Variants in GFRA2 observed in about 807,000 individuals in gnomAD.
GFRA2 encodes the protein GDNF family receptor alpha 2.
In GFRA2, 17 loss-of-function variants were observed where a neutral mutation model predicts 48.3. The observed-to-expected ratio is 0.35, with a 90% CI of 0.24 to 0.53. The LOEUF is 0.53. Among genes scored for constraint, GFRA2 ranks in the 20% least tolerant of loss-of-function variants. The pLI, the probability that GFRA2 is intolerant of heterozygous loss-of-function variation, is 0.93. For synonymous variants in GFRA2, 305 were observed against 257.2 expected (o/e 1.19, Z -1.78); for missense variants, 660 against 637.3 (o/e 1.04, Z -0.38).
intron 3 of GFRA2, among the ~76,000 whole-genome samples, chr8:21,767,412 A>G (rs1806225296): frequency 6.6e-6 from 1 of 151,914 alleles, no homozygotes. Flanking sequence ...CCGTCACACA[A>G]TGACCCCTCT....
chr8:21,783,907 T>C (rs1215723988), intron 1 of GFRA2, among the ~76,000 whole-genome samples: 1 of 151,990 alleles, frequency 6.6e-6, no homozygotes, highest in East Asian at 1.9e-4. Context: ...CTTGTTTTTT[T>C]CTCTCTCAGC....
chr8:21,703,809 T>A (rs1802604600), intron 6 of GFRA2, among the ~76,000 whole-genome samples: 2 of 152,186 alleles, frequency 1.3e-5, no homozygotes, highest in South Asian at 4.1e-4. Flanking sequence ...GCCACCACTG[T>A]GTGCCCCTGT....
intron 2 of GFRA2, among the ~76,000 whole-genome samples, chr8:21,782,302 C>T (rs1472823905): frequency 6.8e-6 from 1 of 147,814 alleles, no homozygotes; most frequent in Middle Eastern, 3.2e-3. Context: ...CACTCACCCC[C>T]CTTCCTCCAG....
intron 4 of GFRA2, among the ~76,000 whole-genome samples, chr8:21,714,146 C>A (rs1359700170): frequency 6.6e-6 from 1 of 151,716 alleles, no homozygotes; most frequent in African/African-American, 2.4e-5. Context: ...GCTGTAAACA[C>A]CTTCCCAAGA....
intron 3 of GFRA2, among the ~76,000 whole-genome samples, chr8:21,774,435 G>GA (rs1288453193): frequency 1.3e-5 from 2 of 152,168 alleles, no homozygotes; most frequent in Non-Finnish European, 2.9e-5. Flanking sequence ...GCCCTCAAGA[G>GA]AGAGGGAAAA....
At chr8:21,738,823 A>T (rs939679399) in intron 4 of GFRA2, among the ~76,000 whole-genome samples, 15 of 152,190 alleles carry the variant, frequency 9.9e-5, no homozygotes, top group Non-Finnish European at 1.5e-5. Flanking sequence ...TGGGCGCCTT[A>T]GGGAAGGTCT....
intron 4 of GFRA2, among the ~76,000 whole-genome samples, chr8:21,719,714 G>A (rs1337124574): frequency 6.6e-6 from 1 of 152,206 alleles, no homozygotes; most frequent in Non-Finnish European, 1.5e-5. Context: ...TTCTCTGAAT[G>A]CTGATACGGT....
At position 21,691,174 on chromosome 8, in the gene GFRA2, G is replaced by T. The variant is rs1412855737; in HGVS notation, c.*2104C>A. On this transcript the variant is annotated 3_prime_UTR_variant, in exon 9 of 9. Transcript: ENST00000524240. ...GATGGGCTCACATGCAGCCCTGAAG[G>T]CCAGGCTGACAGTAGAAACATCTTC... 1 of 152,318 alleles carries T rather than the reference G, an allele frequency of 6.6e-6. No homozygotes were observed. The highest frequency in any genetic ancestry group is 1.9e-4 in the East Asian group (1 of 5,172). The allele number at this position is 152,318 out of a possible 1,614,324, so 9.4% of individuals were successfully genotyped here.
chr8:21,726,167 T>C (rs557991304), intron 4 of GFRA2, among the ~76,000 whole-genome samples: 3 of 152,272 alleles, frequency 2.0e-5, no homozygotes, highest in African/African-American at 7.2e-5. Flanking sequence ...CAACCAGAGC[T>C]CTGGCACCCA....
At chr8:21,785,620 A>T (rs975766174) in intron 1 of GFRA2, among the ~76,000 whole-genome samples, 2 of 152,184 alleles carry the variant, frequency 1.3e-5, no homozygotes, top group African/African-American at 4.8e-5. Flanking sequence ...ACTGCATCCA[A>T]CATCCCACCA....
At chr8:21,725,435 C>T (rs7005601) in intron 4 of GFRA2, among the ~76,000 whole-genome samples, 18,135 of 152,294 alleles carry the variant, frequency 0.12, 1,120 homozygotes, top group South Asian at 0.18. Context: ...CACCAGTATG[C>T]TGAGCCAGCC....
rs962431267 is a variant in GFRA2 at position 21,692,113 on chromosome 8, T to C, written c.*1165A>G. The C allele has an allele frequency of 1.3e-5, 2 of 152,594 alleles. No homozygotes were observed. The highest frequency in any genetic ancestry group is 4.8e-5 in the African/African-American group (2 of 41,446). 9.5% of individuals were successfully genotyped at this position (152,594 alleles called of 1,614,324 possible). A position where few individuals can be genotyped will look rare whatever the true frequency, so the allele number is the denominator to read the frequency against. The stretch of plus-strand genomic sequence containing the variant: ...AGCCAGGCTGACTGGGGCAGGGCAC[T>C]GCGGGGCCAATGTCCTTTTTCCCCA... On this transcript the variant is annotated 3_prime_UTR_variant, in exon 9 of 9. Coordinates refer to ENST00000524240, the MANE Select transcript of GFRA2 (RefSeq NM_001495.5).
At chr8:21,807,271 G>T (rs1157694027) in intron 1 of GFRA2, among the ~76,000 whole-genome samples, 2 of 152,258 alleles carry the variant, frequency 1.3e-5, no homozygotes, top group African/African-American at 4.8e-5. Context: ...TGTTACATAA[G>T]TAAGTTCGGC....
chr8:21,741,037 G>A (rs2117548427), intron 4 of GFRA2, among the ~76,000 whole-genome samples: 1 of 152,304 alleles, frequency 6.6e-6, no homozygotes, highest in Middle Eastern at 3.4e-3. Flanking sequence ...TGGCCTCTCT[G>A]CAGTCGTTCT....
intron 4 of GFRA2, among the ~76,000 whole-genome samples, chr8:21,728,124 G>A (rs151151885): frequency 3.3e-5 from 5 of 152,178 alleles, no homozygotes; most frequent in South Asian, 2.1e-4. Context: ...TTCCAGGTAC[G>A]GGCCCCAGTG....
At chr8:21,734,226 T>C (rs1804341485) in intron 4 of GFRA2, among the ~76,000 whole-genome samples, 1 of 152,216 alleles carries the variant, frequency 6.6e-6, no homozygotes. Flanking sequence ...GCAGTTTCCC[T>C]TTTGCCAAGA....
chr8:21,750,559 A>G lies in GFRA2; in HGVS notation c.794+29T>C. 1 of 1,378,252 alleles carries G rather than the reference A, an allele frequency of 7.3e-7. No homozygotes were observed. The allele number at this position is 1,378,252 out of a possible 1,614,324, so 85.4% of individuals were successfully genotyped here. A position where few individuals can be genotyped will look rare whatever the true frequency, so the allele number is the denominator to read the frequency against. ...CTGGCAATGCAAGCGCCCTCCTGCC[A>G]GCACCACCGGGGCTGCCGCGGCACT... On this transcript the variant is annotated intron_variant, in intron 4 of 8. Transcript: ENST00000524240. The surrounding 1 kb of genome is among the most constrained non-coding windows in gnomAD (Gnocchi z 5.7).
At chr8:21,697,189 G>GGAAGGGAC in intron 7 of GFRA2, among the ~76,000 whole-genome samples, 1 of 74,470 alleles carries the variant, frequency 1.3e-5, no homozygotes, top group East Asian at 4.7e-4. Context: ...AGAGGAGAGG[G>GGAAGGGAC]AGAGGGGACA....
chr8:21,750,395 GATGGATGA>G lies in GFRA2; in HGVS notation c.794+185_794+192del, dbSNP rs1180378972. Among the ~76,000 whole-genome samples the G allele has an allele frequency of 6.6e-6, 1 of 152,222 alleles. No homozygotes were observed. The highest frequency in any genetic ancestry group is 2.4e-5 in the African/African-American group (1 of 41,454). On this transcript the variant is annotated intron_variant, in intron 4 of 8. Coordinates refer to ENST00000524240, the MANE Select transcript of GFRA2 (RefSeq NM_001495.5). The surrounding 1 kb of genome is among the most constrained non-coding windows in gnomAD (Gnocchi z 5.7). ...AAATGAATGAATAAAGAAGTAGATG[GATGGATGA>G]ATGGATGAATGAAATGGAAAATTCA... is the stretch of plus-strand genomic sequence containing the variant.
Sources: gnomAD v4.1 joint callset for allele counts (sites outside exome capture counted in the v4.1 genomes callset) on GRCh38, gnomAD v4.1.1 for gene constraint, Gnocchi (gnomAD v3.1) non-coding constraint, MANE v1.5 for transcripts, NCBI Gene and HGNC (gene_info 2026-07-23, HGNC 2026-07-21) for gene names.